The following PDE6C variants were observed in gnomAD, a reference collection of about 807,000 sequenced individuals.
PDE6C encodes the protein cone cGMP-specific 3',5'-cyclic phosphodiesterase subunit alpha'.
Under a neutral mutation model 113.1 loss-of-function variants are expected in PDE6C, and 75 were observed. The observed-to-expected ratio is 0.66, with a 90% confidence interval of 0.55 to 0.80. The LOEUF (loss-of-function observed/expected upper bound fraction) is 0.80. PDE6C is among the 30% of genes least tolerant of loss of function. PDE6C has a pLI of 0.00. For missense variants in PDE6C, 912 were observed against 1,038.6 expected (o/e 0.88, Z 1.67); for synonymous variants, 375 against 363.7 (o/e 1.03, Z -0.35).
intron 3 of PDE6C, among the ~76,000 whole-genome samples, chr10:93,621,270 T>G (rs2058444852): frequency 6.6e-6 from 1 of 152,188 alleles, no homozygotes; most frequent in Non-Finnish European, 1.5e-5. Flanking sequence ...ACAATAATGG[T>G]ACCTACTTCA....
intron 21 of PDE6C, among the ~76,000 whole-genome samples, chr10:93,663,952 G>C (rs747616440): frequency 6.6e-6 from 1 of 152,114 alleles, no homozygotes; most frequent in Non-Finnish European, 1.5e-5. Context: ...GAAAGGCCCT[G>C]ACATGTTCCT....
chr10:93,626,529 G>T (rs1389379626), intron 5 of PDE6C, 111 bp from the exon 6 acceptor site: 16 of 680,606 alleles, frequency 2.4e-5, no homozygotes, highest in Non-Finnish European at 3.7e-5. Context: ...AATATAATGT[G>T]GTTGGGAAAT....
Position 93,612,885 on chromosome 10 carries a change from A to C in PDE6C, c.160A>C (p.Thr54Pro), listed in dbSNP as rs767007825. 8 of 1,614,062 alleles carry C rather than the reference A, an allele frequency of 5.0e-6. No individual in the cohort carries two copies. The South Asian group carries it at 7.7e-5, about 16-fold the overall frequency. The change falls in exon 1 of 22, where the codon ACC becomes CCC. Residue 54 changes from threonine (T) to proline (P), a missense_variant. Thr to Pro is a conservative substitution (Grantham distance 38, BLOSUM62 -1). Transcript: ENST00000371447. The part of the protein sequence containing the change: ...VQSSMSFSEL[T>P]QVEESALCLE... Reference sequence around the variant, plus strand: ...GTCCAGCATGTCCTTCTCTGAGCTGACCCAGGTGGAGGAGTCAGCCCTGTG... The same window carrying C: ...GTCCAGCATGTCCTTCTCTGAGCTGCCCCAGGTGGAGGAGTCAGCCCTGTG...
intron 15 of PDE6C, among the ~76,000 whole-genome samples, chr10:93,653,825 A>G (rs900861634): frequency 1.1e-4 from 16 of 152,066 alleles, no homozygotes; most frequent in African/African-American, 3.6e-4. Flanking sequence ...ACAAATCACA[A>G]TTTTCCCTTC....
rs1454066853 is a variant in PDE6C, at chr10:93,644,744, T to C, written c.1848-1216T>C. Among the ~76,000 whole-genome samples, 3 of 148,230 alleles carry C rather than the reference T, an allele frequency of 2.0e-5. No individual in the cohort carries two copies. The Admixed American group carries it at 2.1e-4, about 10-fold the overall frequency. On this transcript the variant is annotated intron_variant, in intron 14 of 21. Transcript: ENST00000371447. Reference sequence around the variant, plus strand: ...TCCTGGCCTCTGATAACCACCAAACTACTCTCTATCTTCAAATAAAGAAAA... The same window carrying C: ...TCCTGGCCTCTGATAACCACCAAACCACTCTCTATCTTCAAATAAAGAAAA...
chr10:93,628,236 G>A (rs973976477), intron 7 of PDE6C, among the ~76,000 whole-genome samples: 4 of 145,124 alleles, frequency 2.8e-5, no homozygotes, highest in African/African-American at 8.3e-5. Flanking sequence ...GCTTCCATTT[G>A]TTCATTTTTT....
intron 1 of PDE6C, among the ~76,000 whole-genome samples, chr10:93,619,703 G>A (rs2058436226): frequency 6.6e-6 from 1 of 152,206 alleles, no homozygotes; most frequent in Admixed American, 6.5e-5. Flanking sequence ...TGGGATTACA[G>A]GCATGAACCA....
rs140371924 is a variant in PDE6C at position 93,652,911 on chromosome 10, T to C, written c.1936-2849T>C. Among the ~76,000 whole-genome samples the C allele has an allele frequency of 1.2e-4, 18 of 152,320 alleles. No homozygotes were observed. In the East Asian group the frequency reaches 3.5e-3, roughly 29 times the overall value. On this transcript the variant is annotated intron_variant, in intron 15 of 21. Transcript: ENST00000371447. The stretch of plus-strand genomic sequence containing the variant: ...TATTTCTCTGAATTCAGCAGTCTGA[T>C]TTGCTTCTTTAAATGACTTAATGTG...
intron 15 of PDE6C, among the ~76,000 whole-genome samples, chr10:93,651,673 G>A (rs2058610174): frequency 6.6e-6 from 1 of 152,126 alleles, no homozygotes; most frequent in African/African-American, 2.4e-5. Context: ...CCGGAAGTTG[G>A]TAAAGCTCAC....
chr10:93,662,608 G>T lies in PDE6C; in HGVS notation c.2332G>T (p.Gly778Ter). The T allele has an allele frequency of 6.7e-7, 1 of 1,490,988 alleles. No homozygotes were observed. Among genetic ancestry groups the T allele is most frequent in the Non-Finnish European group, 9.4e-7 (1 of 1,067,882 alleles). 92.4% of individuals were successfully genotyped at this position (1,490,988 alleles called of 1,614,324 possible). The part of the protein sequence containing the change: ...KRDELPKLQV[G>*]FIDFVCTFVY... ...AGATGAATTACCTAAACTTCAAGTT[G>T]GATTTATTGATTTTGTTTGTACTTT... Residue 778 changes from glycine (G) to a stop codon, truncating the protein, a stop_gained, in exon 20 of 22, where the codon GGA (glycine) becomes TGA (stop). Transcript: ENST00000371447. LOFTEE classifies it high-confidence loss of function.
At chr10:93,628,840 C>T (rs1252089671) in intron 7 of PDE6C, among the ~76,000 whole-genome samples, 1 of 152,164 alleles carries the variant, frequency 6.6e-6, no homozygotes, top group Non-Finnish European at 1.5e-5. Flanking sequence ...CCTCCTGCCT[C>T]TTAACCATCA....
At chr10:93,648,771 T>C (rs1217005681) in intron 15 of PDE6C, among the ~76,000 whole-genome samples, 1 of 152,206 alleles carries the variant, frequency 6.6e-6, no homozygotes, top group East Asian at 1.9e-4. Flanking sequence ...AATACTAGAA[T>C]ATACTGTAGA....
chr10:93,658,293 T>C (rs1218044510), intron 16 of PDE6C, among the ~76,000 whole-genome samples: 1 of 151,546 alleles, frequency 6.6e-6, no homozygotes, highest in African/African-American at 2.4e-5. Flanking sequence ...TTTGCTAATA[T>C]AATGAGTGTG....
At chr10:93,659,033 CTCT>C in intron 17 of PDE6C, 25 bp downstream of exon 17, 1 of 1,574,988 alleles carries the variant, frequency 6.3e-7, no homozygotes, top group Non-Finnish European at 8.7e-7. Context: ...TTGTATTTCT[CTCT>C]TGTTTTTTGT....
Position 93,640,349 on chromosome 10 carries a change from C to G in PDE6C, c.1630-101C>G, listed in dbSNP as rs1304815936. 4.8e-5 allele frequency: 59 copies of G among 1,237,918 alleles called. No homozygotes were observed. In the East Asian group the frequency reaches 1.3e-3, roughly 28 times the overall value. The allele number at this position is 1,237,918 out of a possible 1,614,324, so 76.7% of individuals were successfully genotyped here. The stretch of plus-strand genomic sequence containing the variant: ...ACTTTCTAAATACATCAGCTTAACC[C>G]CTATCTACAAGACCAACACATCTTT... On this transcript the variant is annotated intron_variant, in intron 12 of 21. Transcript: ENST00000371447.
intron 16 of PDE6C, among the ~76,000 whole-genome samples, chr10:93,656,802 C>G (rs1426472038): frequency 6.6e-6 from 1 of 152,062 alleles, no homozygotes; most frequent in African/African-American, 2.4e-5. Context: ...CTCCCGACCT[C>G]AACTGATCTG....
intron 1 of PDE6C, among the ~76,000 whole-genome samples, chr10:93,615,793 A>C (rs896442488): frequency 6.6e-6 from 1 of 152,222 alleles, no homozygotes; most frequent in African/African-American, 2.4e-5. Flanking sequence ...TGAATTTCAA[A>C]TCAGCTGTGG....
At chr10:93,619,351 A>G (rs1413609267) in intron 1 of PDE6C, among the ~76,000 whole-genome samples, 1 of 152,232 alleles carries the variant, frequency 6.6e-6, no homozygotes, top group Non-Finnish European at 1.5e-5. Context: ...CCTGATAAGC[A>G]TCTGATGCTG....
At chr10:93,648,105 G>T (rs1361227851) in intron 15 of PDE6C, among the ~76,000 whole-genome samples, 1 of 152,012 alleles carries the variant, frequency 6.6e-6, no homozygotes, top group Non-Finnish European at 1.5e-5. Context: ...ACACTGGAAG[G>T]CTCCTAGTTT....
Sources: gnomAD v4.1 joint callset for allele counts (sites outside exome capture counted in the v4.1 genomes callset) on GRCh38, gnomAD v4.1.1 for gene constraint, MANE v1.5 for transcripts, NCBI Gene and HGNC (gene_info 2026-07-23, HGNC 2026-07-21) for gene names.